Variants in SLC9A8 observed in about 807,000 individuals in gnomAD.
SLC9A8 encodes the protein sodium/hydrogen exchanger 8.
Under a neutral mutation model 66.6 loss-of-function variants are expected in SLC9A8, and 48 were observed. The ratio of observed to expected loss-of-function variants is 0.72; its 90% CI spans 0.57 to 0.92. The LOEUF is 0.92. Among genes scored for constraint, SLC9A8 ranks in the 40% least tolerant of loss-of-function variants. The pLI, the probability that SLC9A8 is intolerant of heterozygous loss-of-function variation, is 0.00. For missense variants in SLC9A8, 599 were observed against 747.3 expected (o/e 0.80, Z 2.31); for synonymous variants, 274 against 282.6 (o/e 0.97, Z 0.31).
chr20:49,879,888 T>C (rs2089564554), intron 12 of SLC9A8, among the ~76,000 whole-genome samples: 1 of 152,154 alleles, frequency 6.6e-6, no homozygotes, highest in African/African-American at 2.4e-5. Flanking sequence ...TATCATCCTT[T>C]TCAAGTAGTT....
intron 10 of SLC9A8, among the ~76,000 whole-genome samples, chr20:49,874,260 C>T (rs1015042986): frequency 6.6e-6 from 1 of 151,734 alleles, no homozygotes; most frequent in African/African-American, 2.4e-5. Context: ...CTCTGTCCCC[C>T]CCCCAAAAAA....
chr20:49,832,550 T>C (rs572034918), intron 3 of SLC9A8, among the ~76,000 whole-genome samples: 402 of 152,300 alleles, frequency 2.6e-3, no homozygotes, highest in Non-Finnish European at 4.8e-3. Flanking sequence ...GCACTTATGG[T>C]GGAATGTATA....
chr20:49,827,423 C>T (rs961004745), intron 3 of SLC9A8, among the ~76,000 whole-genome samples: 71 of 150,646 alleles, frequency 4.7e-4, no homozygotes, highest in Admixed American at 3.4e-3. Context: ...GCCAACATGG[C>T]GAAACCCCAT....
chr20:49,815,056 C>A lies in SLC9A8; in HGVS notation c.75C>A (p.Thr25=). 1 of 1,606,908 alleles carries A rather than the reference C, an allele frequency of 6.2e-7. No homozygotes were observed. The highest frequency in any genetic ancestry group is 1.3e-5 in the African/African-American group (1 of 74,746). ...AGGGTTTCAATGTCACCCTCCACAC[C>A]ACCCTGGTTGTCACGACGAAACTGG... ...THEGFNVTLH[T]TLVVTTKLVL... Residue 25 remains threonine, a synonymous_variant, in exon 2 of 16, where the codon ACC becomes ACA. Transcript: ENST00000361573.
chr20:49,853,346 T>G (rs2088329791), intron 7 of SLC9A8, among the ~76,000 whole-genome samples: 1 of 152,058 alleles, frequency 6.6e-6, no homozygotes, highest in South Asian at 2.1e-4. Flanking sequence ...CTCTCTATAT[T>G]GCCCAGGCTG....
At chr20:49,860,105 T>A (rs1194620550) in intron 8 of SLC9A8, among the ~76,000 whole-genome samples, 1 of 152,134 alleles carries the variant, frequency 6.6e-6, no homozygotes, top group African/African-American at 2.4e-5. Context: ...GGGCACTGTA[T>A]GTGTGTGACC....
chr20:49,843,592 C>T (rs1458166736), intron 4 of SLC9A8, among the ~76,000 whole-genome samples: 1 of 152,088 alleles, frequency 6.6e-6, no homozygotes, highest in East Asian at 1.9e-4. Flanking sequence ...TACACATAAC[C>T]ATTTTGGGCT....
chr20:49,869,298 C>A (rs1015221741), intron 10 of SLC9A8, among the ~76,000 whole-genome samples: 8 of 152,140 alleles, frequency 5.3e-5, no homozygotes, highest in African/African-American at 1.7e-4. Flanking sequence ...CGGCTCACTG[C>A]GACCTCTGCC....
At chr20:49,882,950 C>G (rs1266132137) in intron 13 of SLC9A8, among the ~76,000 whole-genome samples, 1 of 152,070 alleles carries the variant, frequency 6.6e-6, no homozygotes, top group Non-Finnish European at 1.5e-5. Flanking sequence ...GTGATGTGAG[C>G]CTCCCCGCTT....
intron 3 of SLC9A8, among the ~76,000 whole-genome samples, chr20:49,833,213 C>A (rs2087287376): frequency 6.6e-6 from 1 of 152,190 alleles, no homozygotes; most frequent in Non-Finnish European, 1.5e-5. Flanking sequence ...GTGTCCTTCC[C>A]TTTTAAGCAG....
At chr20:49,845,904 G>A (rs6095684) in intron 5 of SLC9A8, among the ~76,000 whole-genome samples, 2,858 of 151,928 alleles carry the variant, frequency 0.019, 84 homozygotes, top group African/African-American at 0.063. Flanking sequence ...GCATGATCTC[G>A]GCTCACTGCA....
intron 10 of SLC9A8, among the ~76,000 whole-genome samples, chr20:49,870,494 G>A (rs557774355): frequency 7.6e-4 from 115 of 152,304 alleles, no homozygotes; most frequent in African/African-American, 2.3e-3. Flanking sequence ...GAAGATAGAT[G>A]TGCGGGAGTG....
intron 3 of SLC9A8, among the ~76,000 whole-genome samples, chr20:49,834,171 CTCTCTCTCTCTCTCTA>C (rs796192490): frequency 0.012 from 725 of 58,792 alleles, 2 homozygotes; most frequent in East Asian, 0.037. Flanking sequence ...CTCTCTCTCT[CTCTCTCTCTCTCTCTA>C]TATATATATA....
At chr20:49,857,593 C>T (rs2088550086) in intron 8 of SLC9A8, among the ~76,000 whole-genome samples, 1 of 152,208 alleles carries the variant, frequency 6.6e-6, no homozygotes, top group Non-Finnish European at 1.5e-5. Context: ...TGGCGCACGC[C>T]TGTAATCCCA....
intron 8 of SLC9A8, among the ~76,000 whole-genome samples, chr20:49,858,802 A>G (rs1007305016): frequency 4.6e-5 from 7 of 151,972 alleles, no homozygotes; most frequent in African/African-American, 1.7e-4. Context: ...TACTAAAAAT[A>G]CAAAAATTAG....
rs1306548292 is a variant in SLC9A8 at position 49,834,183 on chromosome 20, CTCTATA to C, written c.290-5356_290-5351del. On this transcript the variant is annotated intron_variant, in intron 3 of 15. Transcript: ENST00000361573. ...TCTCTCTCTCTCTCTCTCTCTCTCT[CTCTATA>C]TATATATATATATATATATATATAT... 3.1e-3 allele frequency among the ~76,000 whole-genome samples: 116 copies of C among 36,978 alleles called. 1 individual carries two copies. Among genetic ancestry groups the C allele is most frequent in the South Asian group, 4.2e-3 (5 of 1,188 alleles). 24.3% of individuals were successfully genotyped at this position (36,978 alleles called of 152,430 possible). A position where few individuals can be genotyped will look rare whatever the true frequency, so the allele number is the denominator to read the frequency against.
chr20:49,847,988 C>T (rs1039461137), intron 5 of SLC9A8, among the ~76,000 whole-genome samples: 3 of 140,568 alleles, frequency 2.1e-5, no homozygotes, highest in African/African-American at 8.1e-5. Context: ...CGGCTCACTG[C>T]GAACTCGGCT....
rs772057534 is a variant in SLC9A8 at position 49,845,071 on chromosome 20, C to T, written c.384C>T (p.Leu128=). The T allele has an allele frequency of 3.7e-6, 6 of 1,613,368 alleles. No individual in the cohort carries two copies. Among genetic ancestry groups the T allele is most frequent in the Admixed American group, 3.3e-5 (2 of 59,996 alleles). The part of the protein sequence containing the change: ...EEMFRPNMFF[L]LLLPPIIFES... ...TGTTTCGTCCAAACATGTTTTTCCT[C>T]CTCCTGCTTCCCCCTATTATCTTTG... The change falls in exon 5 of 16, where the codon CTC becomes CTT. Residue 128 remains leucine (L), a synonymous_variant. Transcript: ENST00000361573.
At position 49,865,831 on chromosome 20, in the gene SLC9A8, C is replaced by T. The variant is rs145893985; in HGVS notation, c.958+987C>T. On this transcript the variant is annotated intron_variant, in intron 10 of 15. Transcript: ENST00000361573. ...AGGGGGCAGCCAGTTGGGAAGGGCTCTGCCCTGGAAGTCTGATCCCATCCT... is the reference window on the plus strand; with the variant it reads ...AGGGGGCAGCCAGTTGGGAAGGGCTTTGCCCTGGAAGTCTGATCCCATCCT... Among the ~76,000 whole-genome samples, 35 of 152,330 alleles carry T rather than the reference C, an allele frequency of 2.3e-4. No individual in the cohort carries two copies. In the East Asian group the frequency reaches 5.8e-3, roughly 25 times the overall value.
Sources: gnomAD v4.1 joint callset for allele counts (sites outside exome capture counted in the v4.1 genomes callset) on GRCh38, gnomAD v4.1.1 for gene constraint, MANE v1.5 for transcripts, NCBI Gene and HGNC (gene_info 2026-07-23, HGNC 2026-07-21) for gene names.